Variants in KCTD3 observed in about 807,000 individuals in gnomAD.
The protein encoded by KCTD3 is potassium channel tetramerization domain containing 3, also known as BTB/POZ domain-containing protein KCTD3.
In KCTD3, 41 loss-of-function variants were observed where a neutral mutation model predicts 85.8. That is an observed-to-expected ratio of 0.48 (90% CI 0.37 to 0.62). The LOEUF (loss-of-function observed/expected upper bound fraction) is 0.62, where lower values mean the gene tolerates loss of function less well. Ranked by LOEUF, KCTD3 falls within the 20% of genes least tolerant of loss-of-function variation. The probability of loss-of-function intolerance (pLI) is 0.00; values close to 1 mark genes in which losing one functional copy is unlikely to be tolerated. For missense variants in KCTD3, 724 were observed against 989.9 expected (o/e 0.73, Z 3.60); for synonymous variants, 338 against 345.4 (o/e 0.98, Z 0.24).
chr1:215,582,464 G>C (rs759420601), intron 8 of KCTD3, among the ~76,000 whole-genome samples: 2 of 152,178 alleles, frequency 1.3e-5, no homozygotes, highest in Non-Finnish European at 2.9e-5. Flanking sequence ...CAGAGGGTTG[G>C]TTCACTAGGC....
chr1:215,600,266 A>G (rs191143787), intron 10 of KCTD3, among the ~76,000 whole-genome samples: 1 of 152,348 alleles, frequency 6.6e-6, no homozygotes, highest in East Asian at 1.9e-4. Flanking sequence ...TTAGGATTAT[A>G]TACAGGAAGA....
intron 3 of KCTD3, among the ~76,000 whole-genome samples, chr1:215,575,198 G>A (rs1031108246): frequency 3.7e-4 from 57 of 152,154 alleles, no homozygotes; most frequent in Non-Finnish European, 7.2e-4. Context: ...GTTGCAGTGA[G>A]CCCAGATCGT....
intron 1 of KCTD3, among the ~76,000 whole-genome samples, chr1:215,573,347 A>G (rs1030602574): frequency 6.6e-6 from 1 of 152,182 alleles, no homozygotes; most frequent in African/African-American, 2.4e-5. Flanking sequence ...GAATAAAGAT[A>G]CCAAAATGGT....
chr1:215,610,096 A>C (rs1232133979), intron 14 of KCTD3, among the ~76,000 whole-genome samples: 1 of 151,946 alleles, frequency 6.6e-6, no homozygotes, highest in Non-Finnish European at 1.5e-5. Flanking sequence ...TGGTATTTAA[A>C]ATATATATAT....
intron 1 of KCTD3, among the ~76,000 whole-genome samples, chr1:215,571,653 CGG>C (rs951226393): frequency 4.9e-5 from 7 of 143,510 alleles, no homozygotes; most frequent in Non-Finnish European, 1.1e-4. Flanking sequence ...TTTTCCGAGA[CGG>C]AGTCTCGCTT....
Position 215,620,119 on chromosome 1 carries a change from A to G in KCTD3, c.1949A>G (p.Tyr650Cys), listed in dbSNP as rs762794206. 1 of 1,613,562 alleles carries G rather than the reference A, an allele frequency of 6.2e-7. No homozygotes were observed. The highest frequency in any genetic ancestry group is 8.5e-7 in the Non-Finnish European group (1 of 1,179,706). Residue 650 changes from tyrosine to cysteine, a missense_variant, in exon 18 of 18, where the codon TAC becomes TGC. By Grantham distance (194) the Tyr-to-Cys change is radical. This residue lies in a region of KCTD3 where 222 missense variants were observed against 217.7 expected (regional missense o/e 1.02). Transcript: ENST00000259154. ...EAATYGSMRP[Y>C]RESPLLARAR... is the part of the protein sequence containing the mutation. ...GCTACTTACGGTTCCATGAGGCCTT[A>G]CAGAGAAAGTCCTTTATTAGCAAGG...
At chr1:215,610,326 T>G (rs1234614745) in intron 14 of KCTD3, among the ~76,000 whole-genome samples, 1 of 151,878 alleles carries the variant, frequency 6.6e-6, no homozygotes, top group African/African-American at 2.4e-5. Flanking sequence ...CGATCAAAGG[T>G]CATTTTTTTT....
Position 215,595,360 on chromosome 1 carries a change from G to C in KCTD3, c.822G>C (p.Val274=). 1 of 1,594,962 alleles carries C rather than the reference G, an allele frequency of 6.3e-7. No individual in the cohort carries two copies. The highest frequency in any genetic ancestry group is 8.6e-7 in the Non-Finnish European group (1 of 1,162,740). ...QDGGSGSEIG[V]FSLGVPVDAL... ...TATTTTTTATTGTCATTTAAGGAGTGTTCAGCCTGGGTGTTCCTGTAGATG... is the reference window on the plus strand; with the variant it reads ...TATTTTTTATTGTCATTTAAGGAGTCTTCAGCCTGGGTGTTCCTGTAGATG... Residue 274 remains valine (V), a synonymous_variant, in exon 10 of 18, where the codon GTG becomes GTC. Coordinates refer to ENST00000259154, the MANE Select transcript of KCTD3 (RefSeq NM_016121.5).
rs1202696752 is a variant in KCTD3, at chr1:215,620,216, A to G, written c.2046A>G (p.Arg682=). The change falls in exon 18 of 18, where the codon AGA becomes AGG. Residue 682 remains arginine (R), a synonymous_variant. Transcript: ENST00000259154. ...TTAATTTGAACAGAAATGTAGAAAG[A>G]GCTGTCCCTGAAAATGGTAACTTGG... ...QTINLNRNVE[R]AVPENGNLGP... 1 of 1,613,906 alleles carries G rather than the reference A, an allele frequency of 6.2e-7. No individual in the cohort carries two copies. The highest frequency in any genetic ancestry group is 1.1e-5 in the South Asian group (1 of 91,078).
chr1:215,584,909 A>G (rs1659951983), intron 8 of KCTD3, among the ~76,000 whole-genome samples: 1 of 152,242 alleles, frequency 6.6e-6, no homozygotes, highest in Non-Finnish European at 1.5e-5. Context: ...AATTTTGTTT[A>G]TAAGAGTATA....
At chr1:215,576,097 G>T (rs1337776447) in intron 4 of KCTD3, 123 bp downstream of exon 4, 6 of 619,914 alleles carry the variant, frequency 9.7e-6, no homozygotes, top group Admixed American at 3.4e-5. Context: ...GTCTTGCTCT[G>T]TTGCCCAGGC....
intron 10 of KCTD3, among the ~76,000 whole-genome samples, chr1:215,597,802 T>G (rs967329404): frequency 7.9e-5 from 12 of 152,034 alleles, no homozygotes; most frequent in Non-Finnish European, 1.5e-4. Context: ...TCTGTGTGTG[T>G]GATAGGTTTA....
chr1:215,595,331 T>C (rs1558237171), intron 9 of KCTD3, 25 bp from the exon 10 acceptor site: 4 of 1,411,560 alleles, frequency 2.8e-6, no homozygotes, highest in Non-Finnish European at 4.0e-6. Context: ...CTGATTAACC[T>C]TTTTATTTTT....
intron 14 of KCTD3, 58 bp from the exon 15 acceptor site, chr1:215,611,766 TA>T: frequency 8.7e-7 from 1 of 1,143,702 alleles, no homozygotes; most frequent in Non-Finnish European, 1.3e-6. Context: ...GTTCCTTTTG[TA>T]AAATGAGAAA....
intron 13 of KCTD3, among the ~76,000 whole-genome samples, chr1:215,606,666 G>T (rs1655033230): frequency 6.6e-6 from 1 of 151,964 alleles, no homozygotes; most frequent in Admixed American, 6.6e-5. Context: ...TTTAACATCA[G>T]ATATTTCATG....
At chr1:215,614,030 T>G (rs1655335464) in intron 15 of KCTD3, among the ~76,000 whole-genome samples, 2 of 132,626 alleles carry the variant, frequency 1.5e-5, no homozygotes, top group Non-Finnish European at 3.2e-5. Context: ...TTTTTTTTTT[T>G]TTTTTTTTTT....
intron 15 of KCTD3, among the ~76,000 whole-genome samples, chr1:215,614,018 GTTTTTTTTTTTT>G (rs577770912): frequency 0.012 from 776 of 66,284 alleles, 16 homozygotes; most frequent in African/African-American, 0.044. Flanking sequence ...CTTTAGAATA[GTTTTTTTTTTTT>G]TTTTTTTTTT....
At chr1:215,586,359 A>G in intron 8 of KCTD3, 136 bp from the exon 9 acceptor site, 1 of 681,134 alleles carries the variant, frequency 1.5e-6, no homozygotes, top group Non-Finnish European at 2.4e-6. Flanking sequence ...TTTATTTGTA[A>G]TAGGAAGGTG....
At chr1:215,570,861 ACAAAT>A (rs2102550427) in intron 1 of KCTD3, among the ~76,000 whole-genome samples, 1 of 152,312 alleles carries the variant, frequency 6.6e-6, no homozygotes, top group African/African-American at 2.4e-5. Flanking sequence ...GGGATAAAAA[ACAAAT>A]CAAAACAGAA....
Sources: gnomAD v4.1 joint callset for allele counts (sites outside exome capture counted in the v4.1 genomes callset) on GRCh38, gnomAD v4.1.1 for gene constraint, gnomAD v4.1.1 regional missense constraint, MANE v1.5 for transcripts, NCBI Gene and HGNC (gene_info 2026-07-23, HGNC 2026-07-21) for gene names.